IFT122: variants seen among roughly 807,000 people sequenced by gnomAD.
The protein encoded by IFT122 is intraflagellar transport 122, also known as intraflagellar transport protein 122 homolog.
A neutral mutation model predicts 161.6 loss-of-function variants in IFT122; 118 were observed. That is an observed-to-expected ratio of 0.73 (90% CI 0.63 to 0.85). The LOEUF (loss-of-function observed/expected upper bound fraction) is 0.85, where lower values mean the gene tolerates loss of function less well. Among genes scored for constraint, IFT122 ranks in the 40% least tolerant of loss-of-function variants. The probability of loss-of-function intolerance (pLI) is 0.00; values close to 1 mark genes in which losing one functional copy is unlikely to be tolerated. For synonymous variants in IFT122, 550 were observed against 602.4 expected, an observed-to-expected ratio of 0.91 and a Z score of 1.27; for missense variants, 1,381 against 1,579.6, an observed-to-expected ratio of 0.87 and a Z score of 2.13.
chr3:129,489,968 A>T (rs1016725567), intron 16 of IFT122, among the ~76,000 whole-genome samples: 2 of 151,960 alleles, frequency 1.3e-5, no homozygotes, highest in Non-Finnish European at 2.9e-5. Context: ...AAAGGATTGT[A>T]AAAAGCCACA....
intron 29 of IFT122, 115 bp from the exon 30 acceptor site, chr3:129,520,061 C>A (rs1197026563): frequency 2.4e-6 from 2 of 838,444 alleles, no homozygotes; most frequent in Non-Finnish European, 3.9e-6. Flanking sequence ...AGGTCTGTGT[C>A]CAGCCCTGAC....
chr3:129,506,606 A>G (rs957304345), intron 22 of IFT122, 57 bp downstream of exon 22: 1 of 1,608,440 alleles, frequency 6.2e-7, no homozygotes, highest in Non-Finnish European at 8.5e-7. Flanking sequence ...ACACCAAGAT[A>G]AACATCAGAA....
intron 5 of IFT122, chr3:129,463,248 C>CG: frequency 2.8e-6 from 1 of 357,762 alleles, no homozygotes; most frequent in Non-Finnish European, 5.3e-6. Flanking sequence ...GTGTAGATTG[C>CG]CATCAGCGTG....
chr3:129,516,802 CAGAG>C (rs1491495037), intron 26 of IFT122, among the ~76,000 whole-genome samples: 2 of 140,500 alleles, frequency 1.4e-5, no homozygotes, highest in African/African-American at 2.7e-5. Flanking sequence ...TGCACACACA[CAGAG>C]ACTGCCCCTG....
intron 16 of IFT122, among the ~76,000 whole-genome samples, chr3:129,489,133 T>TG (rs2079705736): frequency 1.3e-5 from 2 of 152,196 alleles, no homozygotes; most frequent in Non-Finnish European, 2.9e-5. Flanking sequence ...ATTAATGAGC[T>TG]GCTCATTTTG....
intron 20 of IFT122, chr3:129,503,903 A>C: frequency 3.0e-6 from 1 of 330,700 alleles, no homozygotes; most frequent in South Asian, 2.5e-5. Flanking sequence ...GGGTCCATAC[A>C]GCACGAAGCC....
chr3:129,458,489 G>T, intron 3 of IFT122, 110 bp from the exon 4 acceptor site: 1 of 931,294 alleles, frequency 1.1e-6, no homozygotes, highest in South Asian at 1.3e-5. Context: ...AACTAGGAAA[G>T]AAGCTAACAC....
intron 3 of IFT122, among the ~76,000 whole-genome samples, chr3:129,452,768 C>T (rs769588653): frequency 4.3e-4 from 66 of 152,066 alleles, no homozygotes; most frequent in Non-Finnish European, 7.2e-4. Flanking sequence ...TAAAAGGATC[C>T]CTCTAGTTGC....
chr3:129,449,818 C>A, intron 1 of IFT122, 53 bp from the exon 2 acceptor site: 2 of 1,217,018 alleles, frequency 1.6e-6, no homozygotes, highest in Non-Finnish European at 2.4e-6. Flanking sequence ...TGGCCATTAG[C>A]AGACTTCATC....
chr3:129,504,741 G>A (rs2082009673), intron 21 of IFT122, among the ~76,000 whole-genome samples: 1 of 152,216 alleles, frequency 6.6e-6, no homozygotes, highest in Admixed American at 6.5e-5. Context: ...CAGCCCTATG[G>A]TATAGCTACC....
intron 23 of IFT122, among the ~76,000 whole-genome samples, chr3:129,509,452 G>A (rs1490883359): frequency 1.3e-5 from 2 of 152,142 alleles, no homozygotes; most frequent in Non-Finnish European, 2.9e-5. Flanking sequence ...AACCACCACT[G>A]CACTGTATGT....
chr3:129,483,198 C>T (rs1394545808), intron 14 of IFT122, among the ~76,000 whole-genome samples: 1 of 152,114 alleles, frequency 6.6e-6, no homozygotes, highest in Non-Finnish European at 1.5e-5. Flanking sequence ...ATAAAAGATC[C>T]TAGGCAGAAA....
intron 15 of IFT122, among the ~76,000 whole-genome samples, chr3:129,484,745 C>T (rs1458612251): frequency 3.3e-5 from 5 of 152,194 alleles, no homozygotes; most frequent in South Asian, 2.1e-4. Flanking sequence ...CCTAAAGCAT[C>T]GTTCTGTGTC....
intron 4 of IFT122, 173 bp from the exon 5 acceptor site, chr3:129,461,055 G>T (rs1460394548): frequency 3.0e-6 from 3 of 990,316 alleles, no homozygotes; most frequent in Non-Finnish European, 4.8e-6. Flanking sequence ...AGGAGAAGGA[G>T]AATTAATTCT....
chr3:129,502,425 A>T (rs1391214694), intron 19 of IFT122, among the ~76,000 whole-genome samples: 2 of 152,176 alleles, frequency 1.3e-5, no homozygotes, highest in African/African-American at 4.8e-5. Context: ...TCATCTGGGT[A>T]CCTGGTAGGG....
chr3:129,489,324 T>G (rs2079739492), intron 16 of IFT122, among the ~76,000 whole-genome samples: 1 of 152,122 alleles, frequency 6.6e-6, no homozygotes, highest in East Asian at 1.9e-4. Context: ...CCACTTTCCT[T>G]GGAGCCCCAG....
At chr3:129,471,478 C>T (rs999775221) in intron 9 of IFT122, among the ~76,000 whole-genome samples, 1 of 152,182 alleles carries the variant, frequency 6.6e-6, no homozygotes, top group Non-Finnish European at 1.5e-5. Context: ...GATGTGGGTA[C>T]TGAAGACTCT....
Position 129,477,889 on chromosome 3 carries a change from G to A in IFT122, c.1148-127G>A, listed in dbSNP as rs554396928. 1.0e-4 allele frequency: 81 copies of A among 773,522 alleles called. No individual in the cohort carries two copies. The African/African-American group carries it at 1.2e-3, about 12-fold the overall frequency. The allele number at this position is 773,522 out of a possible 1,614,324, so 47.9% of individuals were successfully genotyped here. On this transcript the variant is annotated intron_variant, in intron 11 of 29. Coordinates refer to ENST00000348417, the MANE Select transcript of IFT122 (RefSeq NM_052989.3). ...GATTGTATGTATTAGATACTCTAAA[G>A]ATTTTTCAATGAGAGTATCTCACTT...
intron 3 of IFT122, among the ~76,000 whole-genome samples, chr3:129,453,893 A>T (rs1047134085): frequency 1.3e-5 from 2 of 152,220 alleles, no homozygotes; most frequent in African/African-American, 4.8e-5. Flanking sequence ...TTCCAACCCC[A>T]ACCCAACACC....
Sources: gnomAD v4.1 joint callset for allele counts (sites outside exome capture counted in the v4.1 genomes callset) on GRCh38, gnomAD v4.1.1 for gene constraint, MANE v1.5 for transcripts, NCBI Gene and HGNC (gene_info 2026-07-23, HGNC 2026-07-21) for gene names.